The following RARB variants were observed in gnomAD, a reference collection of about 807,000 sequenced individuals.
RARB encodes the protein retinoic acid receptor beta, also known as HBV-activated protein.
A neutral mutation model predicts 51.9 loss-of-function variants in RARB; 17 were observed. The ratio of observed to expected loss-of-function variants is 0.33; its 90% CI spans 0.22 to 0.49. The LOEUF (loss-of-function observed/expected upper bound fraction) is 0.49. RARB is among the 20% of genes least tolerant of loss of function. The pLI is 0.99. For synonymous variants in RARB, 215 were observed against 195.4 expected (o/e 1.10, Z -0.84); for missense variants, 369 against 550.8 (o/e 0.67, Z 3.30).
chr3:25,501,148 T>C (rs1446888948), intron 2 of RARB, 34 bp from the exon 3 acceptor site: 3 of 1,557,614 alleles, frequency 1.9e-6, no homozygotes, highest in Non-Finnish European at 1.7e-6. Context: ...TCATTTGCTT[T>C]ACTGAGTTTT....
intron 2 of RARB, among the ~76,000 whole-genome samples, chr3:25,010,045 T>C (rs1302109852): frequency 6.6e-6 from 1 of 152,152 alleles, no homozygotes; most frequent in Non-Finnish European, 1.5e-5. Flanking sequence ...TTTGACTGAT[T>C]GTTTATTATA....
At chr3:24,849,947 A>G (rs756807736) in intron 1 of RARB, among the ~76,000 whole-genome samples, 1 of 152,228 alleles carries the variant, frequency 6.6e-6, no homozygotes, top group Admixed American at 6.5e-5. Context: ...TTGTGCTGGT[A>G]TAACAATTAA....
intron 1 of RARB, among the ~76,000 whole-genome samples, chr3:25,455,852 T>C (rs1277046669): frequency 6.6e-6 from 1 of 152,170 alleles, no homozygotes; most frequent in African/African-American, 2.4e-5. Context: ...CAGAACTGAG[T>C]AAGTCCATAA....
At chr3:24,910,418 A>T (rs765317981) in intron 2 of RARB, among the ~76,000 whole-genome samples, 7 of 152,312 alleles carry the variant, frequency 4.6e-5, no homozygotes, top group Non-Finnish European at 8.8e-5. Context: ...AATAAACACA[A>T]AATAATTGGA....
At chr3:24,987,785 C>G (rs758926869) in intron 2 of RARB, among the ~76,000 whole-genome samples, 1 of 152,102 alleles carries the variant, frequency 6.6e-6, no homozygotes, top group Non-Finnish European at 1.5e-5. Context: ...TCTTTCAGCC[C>G]CCTATTTGAA....
intron 2 of RARB, among the ~76,000 whole-genome samples, chr3:24,861,461 AAAT>A (rs1458009707): frequency 6.6e-6 from 1 of 152,084 alleles, no homozygotes; most frequent in Non-Finnish European, 1.5e-5. Context: ...TCCTAGAAAA[AAAT>A]AATCAAGGAC....
chr3:25,191,812 A>T (rs977819410), intron 5 of RARB, among the ~76,000 whole-genome samples: 27 of 152,128 alleles, frequency 1.8e-4, no homozygotes, highest in African/African-American at 5.5e-4. Context: ...AGTTTGCTTC[A>T]ATGACAAATT....
At chr3:25,501,153 A>G (rs747119242) in intron 2 of RARB, 29 bp from the exon 3 acceptor site, 4 of 1,557,860 alleles carry the variant, frequency 2.6e-6, no homozygotes, top group African/African-American at 1.4e-5. Context: ...TGCTTTACTG[A>G]GTTTTTTCAT....
intron 1 of RARB, among the ~76,000 whole-genome samples, chr3:25,460,106 G>A (rs911277022): frequency 4.6e-5 from 7 of 152,018 alleles, no homozygotes; most frequent in Non-Finnish European, 1.0e-4. Flanking sequence ...AAAGTGAATC[G>A]CACCACTCTG....
intron 2 of RARB, among the ~76,000 whole-genome samples, chr3:25,045,536 T>C (rs1171381922): frequency 6.6e-6 from 1 of 152,220 alleles, no homozygotes; most frequent in Non-Finnish European, 1.5e-5. Context: ...TCTGTTTGTG[T>C]TCAACTGTCA....
chr3:25,285,919 C>T (rs1326149895), intron 5 of RARB, among the ~76,000 whole-genome samples: 2 of 152,098 alleles, frequency 1.3e-5, no homozygotes, highest in Non-Finnish European at 2.9e-5. Flanking sequence ...TCTACACATG[C>T]TCAGTAACAA....
intron 3 of RARB, among the ~76,000 whole-genome samples, chr3:25,561,696 A>G (rs1700277617): frequency 6.6e-6 from 1 of 152,234 alleles, no homozygotes; most frequent in Non-Finnish European, 1.5e-5. Context: ...GAGGAAATGT[A>G]TGATGAAAAT....
intron 2 of RARB, among the ~76,000 whole-genome samples, chr3:24,906,829 A>G (rs1204669166): frequency 6.9e-6 from 1 of 144,660 alleles, no homozygotes; most frequent in African/African-American, 2.6e-5. Flanking sequence ...TGGACAACAG[A>G]ATGAGATTCC....
chr3:25,243,722 T>A (rs1387376188), intron 5 of RARB, among the ~76,000 whole-genome samples: 1 of 152,206 alleles, frequency 6.6e-6, no homozygotes, highest in Non-Finnish European at 1.5e-5. Context: ...AGTATTTTAT[T>A]GAGGATTTTT....
chr3:24,881,561 C>G (rs748067832), intron 2 of RARB, among the ~76,000 whole-genome samples: 3 of 152,064 alleles, frequency 2.0e-5, no homozygotes, highest in Admixed American at 6.5e-5. Flanking sequence ...AAGAGAAAAT[C>G]TTGAATATTT....
chr3:25,031,878 C>T (rs1697883266), intron 2 of RARB, among the ~76,000 whole-genome samples: 1 of 152,192 alleles, frequency 6.6e-6, no homozygotes, highest in Non-Finnish European at 1.5e-5. Context: ...AAACAAAAAA[C>T]TCTAAACCTG....
intron 5 of RARB, among the ~76,000 whole-genome samples, chr3:25,174,810 A>G (rs143923232): frequency 6.6e-6 from 1 of 152,210 alleles, no homozygotes; most frequent in Admixed American, 6.5e-5. Flanking sequence ...CTGTTTCATA[A>G]AATGCAAACA....
chr3:24,864,003 T>A (rs1702803767), intron 2 of RARB, among the ~76,000 whole-genome samples: 1 of 152,138 alleles, frequency 6.6e-6, no homozygotes, highest in South Asian at 2.1e-4. Flanking sequence ...AACCCTGACT[T>A]GTATATTTTC....
intron 2 of RARB, among the ~76,000 whole-genome samples, chr3:25,052,395 A>T (rs1462461326): frequency 6.6e-6 from 1 of 152,202 alleles, no homozygotes; most frequent in Non-Finnish European, 1.5e-5. Flanking sequence ...AAAATATAGG[A>T]CACCAAAGTA....
Sources: gnomAD v4.1 joint callset for allele counts (sites outside exome capture counted in the v4.1 genomes callset) on GRCh38, gnomAD v4.1.1 for gene constraint, MANE v1.5 for transcripts, NCBI Gene and HGNC (gene_info 2026-07-23, HGNC 2026-07-21) for gene names.